The following KDM6A variants were observed in gnomAD, a reference collection of about 807,000 sequenced individuals.
KDM6A encodes lysine demethylase 6A, also known as lysine-specific demethylase 6A.
A neutral mutation model predicts 117.6 loss-of-function variants in KDM6A; 11 were observed. That is an observed-to-expected ratio of 0.09 (90% CI 0.06 to 0.15). The LOEUF (loss-of-function observed/expected upper bound fraction) is 0.15. KDM6A is among the 10% of genes least tolerant of loss of function. KDM6A has a pLI of 1.00. For missense variants in KDM6A, 799 were observed against 1,077.3 expected (o/e 0.74, Z 3.62); for synonymous variants, 384 against 396.1 (o/e 0.97, Z 0.36).
intron 8 of KDM6A, among the ~76,000 whole-genome samples, chrX:45,039,533 G>A (rs1218121913): frequency 3.2e-5 from 1 of 31,327 alleles, no homozygotes; most frequent in Non-Finnish European, 6.9e-5. Context: ...TTTTTTTATT[G>A]ATCATTCTTG....
At chrX:45,040,134 G>C (rs867356044) in intron 8 of KDM6A, among the ~76,000 whole-genome samples, 69 of 62,534 alleles carry the variant, frequency 1.1e-3, no homozygotes, top group African/African-American at 4.2e-3. Flanking sequence ...CTGGCCGGGC[G>C]GGGGGCTGAC....
chrX:44,989,015 C>T (rs2040418229), intron 4 of KDM6A, among the ~76,000 whole-genome samples: 1 of 108,688 alleles, frequency 9.2e-6, no homozygotes, highest in Non-Finnish European at 1.9e-5. Flanking sequence ...GTGGAGTCTA[C>T]AGAGGCAGGC....
At chrX:45,082,364 G>A in intron 21 of KDM6A, 1 of 406,782 alleles carries the variant, frequency 2.5e-6, no homozygotes, top group African/African-American at 2.5e-5. Context: ...AGCCCAGGAG[G>A]CAGAGGTTGC....
At chrX:45,067,644 CTTTTTTTTGT>C (rs1212556612) in intron 17 of KDM6A, among the ~76,000 whole-genome samples, 3 of 90,088 alleles carry the variant, frequency 3.3e-5, no homozygotes, top group African/African-American at 1.1e-4. Context: ...TGGTGTGTAT[CTTTTTTTTGT>C]TTTTTTTTTT....
rs749202669 is a variant in KDM6A, at chrX:44,961,366, A to G, written c.308A>G (p.Asn103Ser). The change falls in exon 3 of 30, where the codon AAC (asparagine) becomes AGC (serine). Residue 103 changes from asparagine to serine, a missense_variant. Around this residue, in one of 8 missense-constraint regions of KDM6A, gnomAD observed 89 missense variants for 117.8 expected, o/e 0.76. Transcript: ENST00000611820. ...TTCTTTTGTCAATTAGGTCACTTCA[A>G]CCTCTTATTGGAAGATTATCCAAAA... ...SDFFCQLGHF[N>S]LLLEDYPKAL... 5.9e-6 allele frequency: 7 copies of G among 1,178,903 alleles called. No individual in the cohort carries two copies. Among genetic ancestry groups the G allele is most frequent in the Non-Finnish European group, 6.9e-6 (6 of 867,800 alleles).
intron 17 of KDM6A, among the ~76,000 whole-genome samples, chrX:45,065,716 C>G (rs2044502456): frequency 8.9e-6 from 1 of 111,914 alleles, no homozygotes; most frequent in Admixed American, 9.5e-5. Context: ...TATCACCAAT[C>G]AGTGAGAACA....
rs753472281 is a variant in KDM6A at position 45,072,276 on chromosome X, T to C, written c.2858+1919T>C. On this transcript the variant is annotated intron_variant, in intron 18 of 29. Transcript: ENST00000611820. ...GTGACCTACAACATGGTGATTGCTG[T>C]AATTAATCTTAACTGTCTTACAAGA... is the stretch of plus-strand genomic sequence containing the variant. Among the ~76,000 whole-genome samples, 17 of 111,583 alleles carry C rather than the reference T, an allele frequency of 1.5e-4. No individual in the cohort carries two copies. The South Asian group carries it at 6.0e-3, about 39-fold the overall frequency.
intron 4 of KDM6A, among the ~76,000 whole-genome samples, chrX:44,982,938 T>C (rs2039986069): frequency 8.9e-6 from 1 of 111,878 alleles, no homozygotes; most frequent in Admixed American, 9.5e-5. Context: ...AATGTATCAG[T>C]CTGGAAATGC....
At chrX:44,964,451 A>G (rs953522340) in intron 3 of KDM6A, among the ~76,000 whole-genome samples, 2 of 65,463 alleles carry the variant, frequency 3.1e-5, no homozygotes, top group East Asian at 3.4e-4. Flanking sequence ...TCTGTCTCAG[A>G]AAAAAAAAAA....
At position 44,873,388 on chromosome X, in the gene KDM6A, T is replaced by G; in HGVS notation, c.-164T>G. On this transcript the variant is annotated 5_prime_UTR_variant, in exon 1 of 30. Coordinates refer to ENST00000611820, the MANE Select transcript of KDM6A (RefSeq NM_001291415.2). The stretch of plus-strand genomic sequence containing the variant: ...AGCCCCTGCCGCCGCCGCCGCCGCC[T>G]TCACCGCCGCCGCGTTGGGATTTTT... 1 of 706,629 alleles carries G rather than the reference T, an allele frequency of 1.4e-6. No individual in the cohort carries two copies. Among genetic ancestry groups the G allele is most frequent in the Non-Finnish European group, 2.0e-6 (1 of 501,704 alleles). 58.2% of individuals were successfully genotyped at this position (706,629 alleles called of 1,213,427 possible).
chrX:44,910,228 C>G (rs1022190506), intron 2 of KDM6A, among the ~76,000 whole-genome samples: 11 of 111,864 alleles, frequency 9.8e-5, no homozygotes, highest in Non-Finnish European at 1.7e-4. Context: ...CTCCTGTTAC[C>G]CAGGCTGGAG....
chrX:44,989,447 C>G, intron 4 of KDM6A, among the ~76,000 whole-genome samples: 1 of 108,711 alleles, frequency 9.2e-6, no homozygotes, highest in Non-Finnish European at 1.9e-5. Flanking sequence ...GAGATGAACC[C>G]AGTACCTCAG....
intron 2 of KDM6A, among the ~76,000 whole-genome samples, chrX:44,893,673 C>T (rs1165617075): frequency 9.1e-6 from 1 of 109,802 alleles, no homozygotes; most frequent in African/African-American, 3.3e-5. Context: ...CCATGCCTGG[C>T]TAATTTTTTG....
intron 2 of KDM6A, among the ~76,000 whole-genome samples, chrX:44,946,601 T>G (rs1363997903): frequency 1.8e-5 from 2 of 111,342 alleles, no homozygotes; most frequent in Admixed American, 1.9e-4. Flanking sequence ...GACTTGTACT[T>G]TTTGTCTAAT....
At chrX:44,889,945 C>T (rs1264821175) in intron 2 of KDM6A, among the ~76,000 whole-genome samples, 1 of 112,343 alleles carries the variant, frequency 8.9e-6, no homozygotes, top group Non-Finnish European at 1.9e-5. Flanking sequence ...CCAACTGTAG[C>T]ATCTTGCAAA....
intron 4 of KDM6A, among the ~76,000 whole-genome samples, chrX:44,977,734 G>A (rs1056018468): frequency 5.4e-5 from 6 of 111,920 alleles, no homozygotes; most frequent in African/African-American, 1.9e-4. Flanking sequence ...TTTGTCAGCA[G>A]ACTTGCCAGT....
intron 9 of KDM6A, among the ~76,000 whole-genome samples, chrX:45,052,770 G>A (rs766836844): frequency 6.3e-5 from 7 of 111,630 alleles, no homozygotes; most frequent in African/African-American, 2.0e-4. Flanking sequence ...GATCATAACT[G>A]CAGCCTCAAA....
chrX:45,021,749 A>T (rs1283250358), intron 6 of KDM6A, among the ~76,000 whole-genome samples: 1 of 111,890 alleles, frequency 8.9e-6, no homozygotes, highest in Non-Finnish European at 1.9e-5. Context: ...AAAACAGTAG[A>T]TTGCGAAGAA....
intron 2 of KDM6A, among the ~76,000 whole-genome samples, chrX:44,931,017 C>T (rs1030478848): frequency 8.9e-6 from 1 of 111,976 alleles, no homozygotes; most frequent in Non-Finnish European, 1.9e-5. Context: ...TCTTATCCAA[C>T]AACCCCACTT....
Sources: allele counts gnomAD v4.1 joint callset (sites outside exome capture counted in the v4.1 genomes callset), GRCh38; gene constraint gnomAD v4.1.1; regional missense constraint gnomAD v4.1.1; transcripts MANE v1.5; gene names NCBI Gene and HGNC (gene_info 2026-07-23, HGNC 2026-07-21).